Variants in RIMBP2 observed in about 807,000 individuals in gnomAD.
RIMBP2 encodes RIMS binding protein 2.
In RIMBP2, 48 loss-of-function variants were observed where a neutral mutation model predicts 118.6. The ratio of observed to expected loss-of-function variants is 0.40; its 90% confidence interval spans 0.32 to 0.51. The LOEUF is 0.51. Among genes scored for constraint, RIMBP2 ranks in the 20% least tolerant of loss-of-function variants. The pLI, the probability that RIMBP2 is intolerant of heterozygous loss-of-function variation, is 0.41. For synonymous variants in RIMBP2, 762 were observed against 742.9 expected (o/e 1.03, Z -0.42); for missense variants, 1,551 against 1,768.3 (o/e 0.88, Z 2.20).
chr12:130,580,925 T>TGG (rs749034950), intron 2 of RIMBP2, among the ~76,000 whole-genome samples: 1 of 89,546 alleles, frequency 1.1e-5, no homozygotes, highest in Non-Finnish European at 2.6e-5. Flanking sequence ...GACCCAGCAA[T>TGG]GGTGTGTGTG....
At chr12:130,405,911 G>A (rs905096803) in intron 21 of RIMBP2, among the ~76,000 whole-genome samples, 1 of 152,132 alleles carries the variant, frequency 6.6e-6, no homozygotes, top group African/African-American at 2.4e-5. Flanking sequence ...GAATATGAAT[G>A]TATTTGTTTT....
Position 130,606,498 on chromosome 12 carries a change from G to C in RIMBP2, c.-217+21824C>G, listed in dbSNP as rs1217250971. Among the ~76,000 whole-genome samples the C allele has an allele frequency of 3.3e-5, 5 of 152,240 alleles. 1 individual carries two copies. On this transcript the variant is annotated intron_variant, in intron 2 of 22. Coordinates refer to ENST00000690449, the MANE Select transcript of RIMBP2 (RefSeq NM_001393629.1). ...TGGCTGTCACCGCATCAGCGCTGTG[G>C]AGGCGGGGAGGAGTGCAGGTTGAAG... is the stretch of plus-strand genomic sequence containing the variant.
intron 1 of RIMBP2, among the ~76,000 whole-genome samples, chr12:130,664,447 G>GCATGCACA (rs2063823553): frequency 8.2e-6 from 1 of 122,412 alleles, no homozygotes; most frequent in Non-Finnish European, 1.8e-5. Flanking sequence ...ACGCACACAC[G>GCATGCACA]CACACACATG....
chr12:130,523,625 GA>G lies in RIMBP2; in HGVS notation c.-216-5709del. Among the ~76,000 whole-genome samples, 1 of 152,242 alleles carries G rather than the reference GA, an allele frequency of 6.6e-6. No individual in the cohort carries two copies. The highest frequency in any genetic ancestry group is 1.9e-4 in the East Asian group (1 of 5,172). ...TGGGGGAGAAACTGACAAGAGAAAG[GA>G]AAAAGCACGTTCTTTCAATAAACTT... On this transcript the variant is annotated intron_variant, in intron 2 of 22. Coordinates refer to ENST00000690449, the MANE Select transcript of RIMBP2 (RefSeq NM_001393629.1). This position sits in a 1 kb window ranked among gnomAD's most constrained non-coding sequence, Gnocchi z 4.4.
At position 130,408,710 on chromosome 12, in the gene RIMBP2, T is replaced by C. The variant is rs569088435; in HGVS notation, c.3590-881A>G. On this transcript the variant is annotated intron_variant, in intron 19 of 22. Transcript: ENST00000690449. ...GGGGTGGGGCTGTGAAGGACTTTCC[T>C]CCTGGCGAAAGTTGGCATTTATGTG... Among the ~76,000 whole-genome samples, 15 of 152,352 alleles carry C rather than the reference T, an allele frequency of 9.8e-5. No homozygotes were observed. In the South Asian group the frequency reaches 3.1e-3, roughly 32 times the overall value.
chr12:130,559,203 T>C (rs2056616302), intron 2 of RIMBP2, among the ~76,000 whole-genome samples: 1 of 152,186 alleles, frequency 6.6e-6, no homozygotes, highest in Admixed American at 6.5e-5. Context: ...GATTTTCAAA[T>C]ATACAAAACA....
At chr12:130,618,447 T>C (rs759150505) in intron 2 of RIMBP2, among the ~76,000 whole-genome samples, 4 of 152,138 alleles carry the variant, frequency 2.6e-5, no homozygotes, top group Non-Finnish European at 4.4e-5. Flanking sequence ...CCCCTCCTCC[T>C]GGTAAAGACA....
rs1202543098 is a variant in RIMBP2 at position 130,703,007 on chromosome 12, A to AATTT, written c.-352+13211_-352+13214dup. On this transcript the variant is annotated intron_variant, in intron 1 of 22. Coordinates refer to ENST00000690449, the MANE Select transcript of RIMBP2 (RefSeq NM_001393629.1). The surrounding 1 kb of genome is among the most constrained non-coding windows in gnomAD (Gnocchi z 5.7). The stretch of plus-strand genomic sequence containing the variant: ...AGACAATGAGACTGTGATTTCCAGC[A>AATTT]ATTTATTCATTTCAGAAAAATGCTG... Among the ~76,000 whole-genome samples, 3 of 152,144 alleles carry AATTT rather than the reference A, an allele frequency of 2.0e-5. No homozygotes were observed. The highest frequency in any genetic ancestry group is 2.0e-4 in the Admixed American group (3 of 15,276).
In RIMBP2 at chr12:130,422,655, C is replaced by T; in HGVS notation, c.3130-94G>A. 2.3e-6 allele frequency: 2 copies of T among 868,460 alleles called. No homozygotes were observed. Among genetic ancestry groups the T allele is most frequent in the South Asian group, 3.2e-5 (2 of 63,036 alleles). The allele number at this position is 868,460 out of a possible 1,614,324, so 53.8% of individuals were successfully genotyped here. On this transcript the variant is annotated intron_variant, in intron 16 of 22. Coordinates refer to ENST00000690449, the MANE Select transcript of RIMBP2 (RefSeq NM_001393629.1). This position sits in a 1 kb window ranked among gnomAD's most constrained non-coding sequence, Gnocchi z 5.2. Reference sequence around the variant, plus strand: ...AATCAAGCGGGTTGAAAAGCAGAATCTGTAAAGGCAACTAAACTTAGCTTT... The same window carrying T: ...AATCAAGCGGGTTGAAAAGCAGAATTTGTAAAGGCAACTAAACTTAGCTTT...
chr12:130,594,688 G>A (rs1275753175), intron 2 of RIMBP2, among the ~76,000 whole-genome samples: 1 of 152,098 alleles, frequency 6.6e-6, no homozygotes, highest in Non-Finnish European at 1.5e-5. Flanking sequence ...TTTTAAGGGG[G>A]GGGTGTGGGT....
At chr12:130,563,560 G>A (rs1319763584) in intron 2 of RIMBP2, among the ~76,000 whole-genome samples, 2 of 152,224 alleles carry the variant, frequency 1.3e-5, no homozygotes, top group African/African-American at 4.8e-5. Flanking sequence ...AGACTATACT[G>A]GGAGCTTTCA....
intron 2 of RIMBP2, among the ~76,000 whole-genome samples, chr12:130,536,343 C>G (rs1443902208): frequency 6.6e-6 from 1 of 152,198 alleles, no homozygotes; most frequent in Admixed American, 6.5e-5. Context: ...CTGTTAATCT[C>G]TGTGCTTAAC....
intron 14 of RIMBP2, chr12:130,429,291 G>A (rs2077007018): frequency 7.1e-6 from 1 of 140,080 alleles, no homozygotes; most frequent in Non-Finnish European, 1.5e-5. Flanking sequence ...CTGGGCGGAG[G>A]CTGCGGACAG....
intron 2 of RIMBP2, among the ~76,000 whole-genome samples, chr12:130,521,940 C>A (rs1593632029): frequency 6.6e-6 from 1 of 152,132 alleles, no homozygotes; most frequent in Non-Finnish European, 1.5e-5. Context: ...CCAGTGGATG[C>A]CCTCATGAGA....
intron 9 of RIMBP2, 73 bp from the exon 10 acceptor site, chr12:130,445,342 C>T: frequency 2.9e-6 from 3 of 1,023,048 alleles, no homozygotes; most frequent in Non-Finnish European, 4.3e-6. Context: ...GTGCAGAACG[C>T]CAGACGGGCA....
chr12:130,459,494 A>C lies in RIMBP2; in HGVS notation c.154-2794T>G, dbSNP rs553462338. Among the ~76,000 whole-genome samples, 3 of 152,218 alleles carry C rather than the reference A, an allele frequency of 2.0e-5. No individual in the cohort carries two copies. In the South Asian group the frequency reaches 6.3e-4, roughly 32 times the overall value. ...CGTGACCCTAAAATTACTTCAAAAT[A>C]AAGTTTTCAGAAATGAAGAGATTTT... On this transcript the variant is annotated intron_variant, in intron 6 of 22. Transcript: ENST00000690449.
intron 2 of RIMBP2, among the ~76,000 whole-genome samples, chr12:130,609,287 A>C (rs1196955233): frequency 6.6e-6 from 1 of 152,076 alleles, no homozygotes; most frequent in Non-Finnish European, 1.5e-5. Context: ...AAGGTGTGGA[A>C]TCAACCTAAG....
chr12:130,442,707 G>T lies in RIMBP2; in HGVS notation c.692-47C>A. The T allele has an allele frequency of 2.0e-6, 3 of 1,514,260 alleles. No homozygotes were observed. The highest frequency in any genetic ancestry group is 1.4e-5 in the African/African-American group (1 of 72,832). The allele number at this position is 1,514,260 out of a possible 1,614,324, so 93.8% of individuals were successfully genotyped here. On this transcript the variant is annotated intron_variant, in intron 10 of 22. Coordinates refer to ENST00000690449, the MANE Select transcript of RIMBP2 (RefSeq NM_001393629.1). The surrounding 1 kb of genome is among the most constrained non-coding windows in gnomAD (Gnocchi z 6.9). ...TTATCACCCAGCCAACACAGCAGGG[G>T]CCTCGAGGCCCCCAGTGTACTCCCA... is the stretch of plus-strand genomic sequence containing the variant.
At chr12:130,526,238 C>G (rs2052774957) in intron 2 of RIMBP2, among the ~76,000 whole-genome samples, 1 of 152,084 alleles carries the variant, frequency 6.6e-6, no homozygotes, top group Non-Finnish European at 1.5e-5. Flanking sequence ...ATTTTGTACC[C>G]TATTCAGGAC....
Sources: allele counts gnomAD v4.1 joint callset (sites outside exome capture counted in the v4.1 genomes callset), GRCh38; gene constraint gnomAD v4.1.1; non-coding constraint Gnocchi (gnomAD v3.1); transcripts MANE v1.5; gene names NCBI Gene and HGNC (gene_info 2026-07-23, HGNC 2026-07-21).